Variants in TASOR observed in about 807,000 individuals in gnomAD.
The protein encoded by TASOR is transcription activation suppressor.
Under a neutral mutation model 178.6 loss-of-function variants are expected in TASOR, and 53 were observed. The observed-to-expected ratio is 0.30, with a 90% CI of 0.24 to 0.37. The LOEUF is 0.37. Ranked by LOEUF, TASOR falls within the 10% of genes least tolerant of loss-of-function variation. TASOR has a pLI of 1.00. For missense variants in TASOR, 1,815 were observed against 1,971.4 expected (o/e 0.92, Z 1.50); for synonymous variants, 713 against 696.2 (o/e 1.02, Z -0.38).
In TASOR at chr3:56,641,539, T is replaced by C; in HGVS notation, c.2429A>G (p.Gln810Arg). The C allele has an allele frequency of 6.2e-7, 1 of 1,614,216 alleles. No individual in the cohort carries two copies. Among genetic ancestry groups the C allele is most frequent in the Non-Finnish European group, 8.5e-7 (1 of 1,180,012 alleles). ...STDDAYEELRQKHEYELNSTP... is the reference protein window; with the variant it reads ...STDDAYEELRRKHEYELNSTP... ...AGAGTTCAACTCATACTCATGTTTT[T>C]GCCTCAGCTCTTCATAGGCATCATC... The change falls in exon 15 of 24, where the codon CAA (glutamine) becomes CGA (arginine). Residue 810 changes from glutamine (Q) to arginine (R), a missense_variant. By Grantham distance (43) the Gln-to-Arg change is conservative. Coordinates refer to ENST00000683822, the MANE Select transcript of TASOR (RefSeq NM_001365635.2).
At chr3:56,676,889 CAAATGA>C (rs2031348394) in intron 1 of TASOR, among the ~76,000 whole-genome samples, 1 of 152,098 alleles carries the variant, frequency 6.6e-6, no homozygotes, top group Admixed American at 6.5e-5. Context: ...AAAATTATTG[CAAATGA>C]AAAGGAAAAA....
At chr3:56,641,853 C>G in intron 14 of TASOR, 101 bp from the exon 15 acceptor site, 2 of 1,216,416 alleles carry the variant, frequency 1.6e-6, no homozygotes, top group Non-Finnish European at 2.3e-6. Context: ...CATTTATGGT[C>G]AGGAACTCAA....
chr3:56,640,183 C>A, intron 15 of TASOR, 53 bp from the exon 16 acceptor site: 1 of 1,506,888 alleles, frequency 6.6e-7, no homozygotes, highest in South Asian at 1.2e-5. Flanking sequence ...ATTTTAATGT[C>A]AAGAATAAAC....
chr3:56,663,046 G>C (rs940038581), intron 8 of TASOR, among the ~76,000 whole-genome samples: 2 of 152,046 alleles, frequency 1.3e-5, no homozygotes, highest in Non-Finnish European at 2.9e-5. Flanking sequence ...CGGGTGTGGT[G>C]GTGGGCGCCT....
chr3:56,667,124 C>T (rs906539496), intron 6 of TASOR, among the ~76,000 whole-genome samples: 8 of 152,182 alleles, frequency 5.3e-5, no homozygotes, highest in African/African-American at 1.9e-4. Flanking sequence ...CAATAACTAT[C>T]TTACATGTAT....
chr3:56,643,633 G>A (rs1195747797), intron 14 of TASOR, among the ~76,000 whole-genome samples: 1 of 151,746 alleles, frequency 6.6e-6, no homozygotes, highest in African/African-American at 2.4e-5. Context: ...ATGGTGGCGG[G>A]CGCCCCAGCT....
intron 18 of TASOR, among the ~76,000 whole-genome samples, chr3:56,630,468 T>C (rs563998285): frequency 6.6e-6 from 1 of 152,370 alleles, no homozygotes; most frequent in South Asian, 2.1e-4. Context: ...TTTTATTCTA[T>C]ATAAATGACA....
chr3:56,639,373 G>A (rs1395788398), intron 16 of TASOR, among the ~76,000 whole-genome samples: 1 of 151,216 alleles, frequency 6.6e-6, no homozygotes, highest in African/African-American at 2.4e-5. Context: ...TTATGTGTGT[G>A]TATGTATGTG....
At chr3:56,682,068 T>G (rs2031842607) in intron 1 of TASOR, among the ~76,000 whole-genome samples, 1 of 152,240 alleles carries the variant, frequency 6.6e-6, no homozygotes, top group African/African-American at 2.4e-5. Context: ...AAAAACCTAT[T>G]TAATCTAACG....
chr3:56,674,500 C>A (rs965735368), intron 1 of TASOR, among the ~76,000 whole-genome samples: 20 of 152,140 alleles, frequency 1.3e-4, no homozygotes, highest in African/African-American at 4.3e-4. Flanking sequence ...GAGAGAGAGA[C>A]CCTGTCTCAA....
intron 14 of TASOR, among the ~76,000 whole-genome samples, chr3:56,642,663 A>G (rs188978364): frequency 2.0e-3 from 297 of 152,304 alleles, no homozygotes; most frequent in Non-Finnish European, 3.8e-3. Context: ...TACCTAACAA[A>G]GAACACAAAG....
chr3:56,623,028 TTAC>T lies in TASOR; in HGVS notation c.*6_*8del, dbSNP rs1382087396. The T allele has an allele frequency of 3.3e-6, 5 of 1,494,392 alleles. No homozygotes were observed. Among genetic ancestry groups the T allele is most frequent in the Non-Finnish European group, 4.5e-6 (5 of 1,122,048 alleles). 92.6% of individuals were successfully genotyped at this position (1,494,392 alleles called of 1,614,324 possible). Reference sequence around the variant, plus strand: ...CCACAACAATCTCTTAAAAAAAAAGTTACTACAGTTATTTCTCTTGTGAATATG... The same window carrying T: ...CCACAACAATCTCTTAAAAAAAAAGTTACAGTTATTTCTCTTGTGAATATG... On this transcript the variant is annotated 3_prime_UTR_variant, in exon 24 of 24. Coordinates refer to ENST00000683822, the MANE Select transcript of TASOR (RefSeq NM_001365635.2).
chr3:56,658,188 T>C (rs1381828183), intron 11 of TASOR, among the ~76,000 whole-genome samples: 1 of 152,232 alleles, frequency 6.6e-6, no homozygotes, highest in Non-Finnish European at 1.5e-5. Flanking sequence ...ACAAAATTCC[T>C]AGGTACATTA....
intron 1 of TASOR, among the ~76,000 whole-genome samples, chr3:56,679,890 A>G (rs1383822639): frequency 6.6e-6 from 1 of 152,240 alleles, no homozygotes; most frequent in African/African-American, 2.4e-5. Flanking sequence ...GCCAATAAAT[A>G]ACATACATCA....
chr3:56,668,515 A>G lies in TASOR; in HGVS notation c.779T>C (p.Leu260Ser). The change falls in exon 6 of 24, where the codon TTG becomes TCG. Residue 260 changes from leucine to serine, a missense_variant. Physicochemically the swap from Leu to Ser is moderately radical, Grantham distance 145 (BLOSUM62 -2). Coordinates refer to ENST00000683822, the MANE Select transcript of TASOR (RefSeq NM_001365635.2). Reference sequence around the variant, plus strand: ...AGCACTCTTATTTAACATAGATTCCAAACTTTTTACACCCATGGGGTCATA... The same window carrying G: ...AGCACTCTTATTTAACATAGATTCCGAACTTTTTACACCCATGGGGTCATA... ...SIYDPMGVKS[L>S]ESMLNKSALD... 6.4e-7 allele frequency: 1 copy of G among 1,551,586 alleles called. No individual in the cohort carries two copies.
intron 14 of TASOR, among the ~76,000 whole-genome samples, chr3:56,642,307 C>T (rs1043214936): frequency 3.9e-5 from 6 of 152,232 alleles, no homozygotes; most frequent in African/African-American, 7.2e-5. Flanking sequence ...GAAATCTCCA[C>T]GAAATTTGCA....
intron 19 of TASOR, 109 bp from the exon 20 acceptor site, chr3:56,627,850 A>C (rs1165812543): frequency 1.6e-5 from 14 of 875,678 alleles, no homozygotes; most frequent in Non-Finnish European, 2.5e-5. Context: ...TGGCTCATCT[A>C]TATTAGTGGA....
chr3:56,653,930 A>G (rs1578248148), intron 11 of TASOR, among the ~76,000 whole-genome samples: 1 of 152,188 alleles, frequency 6.6e-6, no homozygotes, highest in Non-Finnish European at 1.5e-5. Context: ...TTTATTGACT[A>G]TTTTTCTGAC....
intron 11 of TASOR, among the ~76,000 whole-genome samples, chr3:56,655,671 AG>A: frequency 6.6e-6 from 1 of 152,320 alleles, no homozygotes; most frequent in South Asian, 2.1e-4. Context: ...CCTGCAGCCC[AG>A]CTACCCAGGA....
Sources: gnomAD v4.1 joint callset for allele counts (sites outside exome capture counted in the v4.1 genomes callset) on GRCh38, gnomAD v4.1.1 for gene constraint, MANE v1.5 for transcripts, NCBI Gene and HGNC (gene_info 2026-07-23, HGNC 2026-07-21) for gene names.